The following PUM1 variants were observed in gnomAD, a reference collection of about 807,000 sequenced individuals.
PUM1 encodes the protein pumilio RNA binding family member 1, also known as pumilio homolog 1.
A neutral mutation model predicts 131.8 loss-of-function variants in PUM1; 13 were observed. That is an observed-to-expected ratio of 0.10 (90% CI 0.06 to 0.16). The LOEUF (loss-of-function observed/expected upper bound fraction) is 0.16. Among genes scored for constraint, PUM1 ranks in the 10% least tolerant of loss-of-function variants. The probability of loss-of-function intolerance (pLI) is 1.00; values close to 1 mark genes in which losing one functional copy is unlikely to be tolerated. For missense variants in PUM1, 961 were observed against 1,512.4 expected (o/e 0.64, Z 6.05); for synonymous variants, 509 against 556.5 (o/e 0.91, Z 1.20).
At chr1:30,955,793 C>T (rs914197650) in intron 14 of PUM1, among the ~76,000 whole-genome samples, 6 of 152,100 alleles carry the variant, frequency 3.9e-5, no homozygotes, top group Admixed American at 3.9e-4. Context: ...ATTCCAGGGC[C>T]CAGCTTCAAA....
intron 2 of PUM1, among the ~76,000 whole-genome samples, chr1:31,033,892 C>T (rs546338546): frequency 1.3e-5 from 2 of 152,080 alleles, no homozygotes; most frequent in East Asian, 1.9e-4. Flanking sequence ...GCAATCCTCC[C>T]GCCTTCTAAA....
At chr1:31,055,518 T>C in intron 2 of PUM1, 1 of 386,338 alleles carries the variant, frequency 2.6e-6, no homozygotes, top group Non-Finnish European at 5.2e-6. Flanking sequence ...AACTGCAATA[T>C]ACCAACTACC....
intron 20 of PUM1, among the ~76,000 whole-genome samples, chr1:30,937,254 G>T (rs1639249789): frequency 6.6e-6 from 1 of 152,130 alleles, no homozygotes; most frequent in African/African-American, 2.4e-5. Flanking sequence ...ACCACCAGCT[G>T]GTTATTATTT....
Position 31,004,720 on chromosome 1 carries a change from C to T in PUM1, c.720+1133G>A, listed in dbSNP as rs553649113. Reference sequence around the variant, plus strand: ...AGAAAGCTGCACCAAAAATGAACTACTGTTACTCTAACAAAATTTAATGTG... The same window carrying T: ...AGAAAGCTGCACCAAAAATGAACTATTGTTACTCTAACAAAATTTAATGTG... On this transcript the variant is annotated intron_variant, in intron 5 of 21. Coordinates refer to ENST00000426105, the MANE Select transcript of PUM1 (RefSeq NM_001020658.2). Among the ~76,000 whole-genome samples the T allele has an allele frequency of 7.7e-4, 117 of 152,292 alleles. 1 individual carries two copies. Among genetic ancestry groups the T allele is most frequent in the Admixed American group, 2.7e-3 (41 of 15,292 alleles).
rs558049316 is a variant in PUM1, at chr1:31,060,725, G to C, written c.-11-1148C>G. Among the ~76,000 whole-genome samples the C allele has an allele frequency of 2.6e-5, 4 of 151,520 alleles. No individual in the cohort carries two copies. In the East Asian group the frequency reaches 7.8e-4, roughly 30 times the overall value. On this transcript the variant is annotated intron_variant, in intron 1 of 21. Coordinates refer to ENST00000426105, the MANE Select transcript of PUM1 (RefSeq NM_001020658.2). ...ACATTATGAAACCCCATCTCTACTGGAAATACAAAAATTAACTGGGTGTGG... is the reference window on the plus strand; with the variant it reads ...ACATTATGAAACCCCATCTCTACTGCAAATACAAAAATTAACTGGGTGTGG...
Position 31,028,882 on chromosome 1 carries a change from G to GAAGGA in PUM1, c.364-23_364-19dup, listed in dbSNP as rs757884306. 1.2e-6 allele frequency: 2 copies of GAAGGA among 1,603,004 alleles called. No individual in the cohort carries two copies. Among genetic ancestry groups the GAAGGA allele is most frequent in the Non-Finnish European group, 1.7e-6 (2 of 1,170,340 alleles). ...GAACGCACCTATTGTTTAGAATAGA[G>GAAGGA]AAGGAAAAATCTTCAAGTCAGCATC... is the stretch of plus-strand genomic sequence containing the variant. On this transcript the variant is annotated intron_variant, in intron 2 of 21. Transcript: ENST00000426105.
chr1:30,986,535 A>G (rs1302348618), intron 7 of PUM1, among the ~76,000 whole-genome samples: 1 of 152,098 alleles, frequency 6.6e-6, no homozygotes, highest in African/African-American at 2.4e-5. Flanking sequence ...CATACAAATT[A>G]AACCATGCTG....
intron 3 of PUM1, among the ~76,000 whole-genome samples, chr1:31,013,561 T>C (rs1382129012): frequency 6.6e-6 from 1 of 152,210 alleles, no homozygotes; most frequent in Non-Finnish European, 1.5e-5. Flanking sequence ...ATGCAGCCAA[T>C]GCAGGAAACA....
At position 30,932,767 on chromosome 1, in the gene PUM1, G is replaced by A. The variant is rs1450733605; in HGVS notation, c.*444C>T. On this transcript the variant is annotated 3_prime_UTR_variant, in exon 22 of 22. Coordinates refer to ENST00000426105, the MANE Select transcript of PUM1 (RefSeq NM_001020658.2). Reference sequence around the variant, plus strand: ...GTTTGTTTTTTACTAAAATGAGGAGGTGGGGAAGAGCTATTTGCAAAACTT... The same window carrying A: ...GTTTGTTTTTTACTAAAATGAGGAGATGGGGAAGAGCTATTTGCAAAACTT... 6.6e-6 allele frequency: 1 copy of A among 150,712 alleles called. No homozygotes were observed. Among genetic ancestry groups the A allele is most frequent in the Non-Finnish European group, 1.5e-5 (1 of 67,714 alleles). 9.3% of individuals were successfully genotyped at this position (150,712 alleles called of 1,614,324 possible).
chr1:30,937,899 G>A lies in PUM1; in HGVS notation c.3243-1064C>T, dbSNP rs191183173. Among the ~76,000 whole-genome samples, 474 of 151,984 alleles carry A rather than the reference G, an allele frequency of 3.1e-3. 1 individual carries two copies. Among genetic ancestry groups the A allele is most frequent in the African/African-American group, 0.011 (451 of 41,442 alleles). ...TTCTTCTCCTGCCTCAGCCTCCCGA[G>A]CACCTGGGATTACAGATGTCCGCCA... On this transcript the variant is annotated intron_variant, in intron 20 of 21. Coordinates refer to ENST00000426105, the MANE Select transcript of PUM1 (RefSeq NM_001020658.2).
chr1:30,972,853 G>A (rs1443041055), intron 10 of PUM1, among the ~76,000 whole-genome samples: 1 of 152,072 alleles, frequency 6.6e-6, no homozygotes, highest in Non-Finnish European at 1.5e-5. Flanking sequence ...GCCGAGACGG[G>A]TGGATCACCT....
At chr1:30,974,601 C>T (rs1204754775) in intron 10 of PUM1, 50 bp downstream of exon 10, 2 of 1,511,692 alleles carry the variant, frequency 1.3e-6, no homozygotes, top group African/African-American at 2.8e-5. Context: ...ATTAATTATC[C>T]ACAATACTAC....
chr1:30,972,125 C>A (rs887487414), intron 10 of PUM1, among the ~76,000 whole-genome samples: 2 of 150,348 alleles, frequency 1.3e-5, no homozygotes, highest in Admixed American at 6.6e-5. Context: ...TATGGTGGCA[C>A]GTGCCTGTAA....
intron 13 of PUM1, 63 bp from the exon 14 acceptor site, chr1:30,964,973 G>T: frequency 7.2e-7 from 1 of 1,380,164 alleles, no homozygotes; most frequent in Non-Finnish European, 1.0e-6. Context: ...CAAGCCCAGT[G>T]ACCTGTTCCT....
At chr1:31,015,685 T>C (rs1275049251) in intron 3 of PUM1, among the ~76,000 whole-genome samples, 3 of 148,076 alleles carry the variant, frequency 2.0e-5, no homozygotes, top group Non-Finnish European at 4.5e-5. Context: ...TCTTTTTTTT[T>C]TTTTTGAGAT....
At chr1:31,041,420 G>C (rs1220664522) in intron 2 of PUM1, among the ~76,000 whole-genome samples, 2 of 151,746 alleles carry the variant, frequency 1.3e-5, no homozygotes, top group African/African-American at 4.8e-5. Flanking sequence ...CCTCTGGGGG[G>C]CGGGGGGTGT....
intron 7 of PUM1, among the ~76,000 whole-genome samples, chr1:30,983,968 C>G (rs574036342): frequency 6.6e-6 from 1 of 152,004 alleles, no homozygotes; most frequent in Admixed American, 6.6e-5. Flanking sequence ...TAAATATACA[C>G]GGAAATACAT....
chr1:31,060,969 A>G (rs1644354810), intron 1 of PUM1, among the ~76,000 whole-genome samples: 1 of 151,988 alleles, frequency 6.6e-6, no homozygotes, highest in African/African-American at 2.4e-5. Context: ...AAACAATAAA[A>G]CCCTCTGACC....
At chr1:31,006,834 A>G (rs1335672986) in intron 4 of PUM1, among the ~76,000 whole-genome samples, 160 bp downstream of exon 4, 1 of 152,248 alleles carries the variant, frequency 6.6e-6, no homozygotes, top group East Asian at 1.9e-4. Context: ...TGTTTTAATA[A>G]ATTACATCAT....
Sources: gnomAD v4.1 joint callset for allele counts (sites outside exome capture counted in the v4.1 genomes callset) on GRCh38, gnomAD v4.1.1 for gene constraint, MANE v1.5 for transcripts, NCBI Gene and HGNC (gene_info 2026-07-23, HGNC 2026-07-21) for gene names.